Variants in JAKMIP2 observed in about 807,000 individuals in gnomAD.
The protein encoded by JAKMIP2 is janus kinase and microtubule-interacting protein 2.
JAKMIP2 carries 25 observed loss-of-function variants against 115.0 expected under a neutral mutation model. That is an observed-to-expected ratio of 0.22 (90% confidence interval 0.16 to 0.30). The LOEUF is 0.30. JAKMIP2 is among the 10% of genes least tolerant of loss of function. The probability of loss-of-function intolerance (pLI) is 1.00; values close to 1 mark genes in which losing one functional copy is unlikely to be tolerated. For missense variants in JAKMIP2, 642 were observed against 957.6 expected (o/e 0.67, Z 4.35); for synonymous variants, 334 against 343.6 (o/e 0.97, Z 0.31).
intron 1 of JAKMIP2, among the ~76,000 whole-genome samples, chr5:147,710,413 T>C (rs988546008): frequency 6.6e-6 from 1 of 152,202 alleles, no homozygotes; most frequent in Non-Finnish European, 1.5e-5. Context: ...ATAAATTTTA[T>C]ATACAGCAAA....
intron 5 of JAKMIP2, among the ~76,000 whole-genome samples, chr5:147,645,488 G>T (rs1398262403): frequency 2.6e-5 from 4 of 152,004 alleles, no homozygotes; most frequent in Non-Finnish European, 4.4e-5. Context: ...CTCCTGACTC[G>T]CACTACAGTT....
intron 3 of JAKMIP2, chr5:147,660,352 AAATT>A (rs1758893267): frequency 1.2e-5 from 4 of 333,916 alleles, no homozygotes; most frequent in South Asian, 5.0e-5. Context: ...TCCAATTTAA[AAATT>A]ATAATGGCTC....
chr5:147,764,257 G>A (rs760851521), intron 1 of JAKMIP2, among the ~76,000 whole-genome samples: 3 of 152,080 alleles, frequency 2.0e-5, no homozygotes, highest in Non-Finnish European at 4.4e-5. Flanking sequence ...TTTCAATCTT[G>A]ATGTGGAATC....
At chr5:147,594,618 T>C (rs1360468106) in intron 21 of JAKMIP2, 1 of 296,004 alleles carries the variant, frequency 3.4e-6, no homozygotes, top group Non-Finnish European at 7.1e-6. Context: ...ACAGAGCCAC[T>C]GTGCCCAGCT....
chr5:147,646,538 C>T (rs1050521045), intron 5 of JAKMIP2, among the ~76,000 whole-genome samples: 2 of 151,942 alleles, frequency 1.3e-5, no homozygotes, highest in Non-Finnish European at 2.9e-5. Flanking sequence ...CATAGTCCCA[C>T]AATACCCAAC....
At chr5:147,730,369 A>T (rs555660879) in intron 1 of JAKMIP2, among the ~76,000 whole-genome samples, 1 of 151,978 alleles carries the variant, frequency 6.6e-6, no homozygotes, top group Non-Finnish European at 1.5e-5. Flanking sequence ...CTCCACCCTC[A>T]ACATCTGATC....
At chr5:147,663,063 C>T (rs6862046) in intron 2 of JAKMIP2, among the ~76,000 whole-genome samples, 38,122 of 151,706 alleles carry the variant, frequency 0.25, 6,033 homozygotes, top group East Asian at 0.46. Context: ...TGAGTGATAT[C>T]GAGTCTCCAC....
In JAKMIP2 at chr5:147,782,724, A is replaced by G. The variant is rs1755812057; in HGVS notation, c.-417T>C. On this transcript the variant is annotated 5_prime_UTR_variant, in exon 1 of 22. Transcript: ENST00000616793. Reference sequence around the variant, plus strand: ...CTCCTCCCTCTCGGAGGATGGGGTGAGCTCGGAAGCAGCCAGGAACTTGCA... The same window carrying G: ...CTCCTCCCTCTCGGAGGATGGGGTGGGCTCGGAAGCAGCCAGGAACTTGCA... The G allele has an allele frequency of 3.5e-6, 2 of 576,130 alleles. No homozygotes were observed. The highest frequency in any genetic ancestry group is 3.8e-5 in the African/African-American group (2 of 53,124). 35.7% of individuals were successfully genotyped at this position (576,130 alleles called of 1,614,324 possible). A position where few individuals can be genotyped will look rare whatever the true frequency, so the allele number is the denominator to read the frequency against.
At chr5:147,743,062 A>T (rs1754209533) in intron 1 of JAKMIP2, among the ~76,000 whole-genome samples, 1 of 152,214 alleles carries the variant, frequency 6.6e-6, no homozygotes, top group South Asian at 2.1e-4. Context: ...AATCAACTTT[A>T]CTGAGTACTT....
chr5:147,735,570 C>A (rs575712580), intron 1 of JAKMIP2, among the ~76,000 whole-genome samples: 1 of 152,280 alleles, frequency 6.6e-6, no homozygotes, highest in Admixed American at 6.5e-5. Context: ...CATGAGTCAA[C>A]TATTCCACCT....
intron 1 of JAKMIP2, among the ~76,000 whole-genome samples, chr5:147,760,506 A>G (rs1561580044): frequency 6.6e-6 from 1 of 152,106 alleles, no homozygotes; most frequent in African/African-American, 2.4e-5. Context: ...AGAGGTCAAT[A>G]TAAGAAAAAG....
At chr5:147,764,645 T>A (rs749875928) in intron 1 of JAKMIP2, among the ~76,000 whole-genome samples, 1 of 151,684 alleles carries the variant, frequency 6.6e-6, no homozygotes, top group Non-Finnish European at 1.5e-5. Flanking sequence ...CCCAGCAATT[T>A]GGGAGGCCAA....
At chr5:147,648,244 G>A in intron 5 of JAKMIP2, 132 bp downstream of exon 5, 1 of 549,056 alleles carries the variant, frequency 1.8e-6, no homozygotes. Flanking sequence ...GCCACTTTGT[G>A]AATATCTATT....
intron 1 of JAKMIP2, among the ~76,000 whole-genome samples, chr5:147,758,170 T>C (rs1167058154): frequency 4.6e-5 from 7 of 152,158 alleles, no homozygotes; most frequent in African/African-American, 1.7e-4. Context: ...AATGAGAACA[T>C]GTAAATACTA....
At chr5:147,651,227 T>C (rs559500414) in intron 3 of JAKMIP2, among the ~76,000 whole-genome samples, 121 of 152,242 alleles carry the variant, frequency 7.9e-4, no homozygotes, top group Non-Finnish European at 1.6e-3. Context: ...TCTGGCAATA[T>C]TAACCACTAT....
rs199688913 is a variant in JAKMIP2, at chr5:147,699,616, TA to T, written c.-148-27663del. Among the ~76,000 whole-genome samples, 8 of 151,920 alleles carry T rather than the reference TA, an allele frequency of 5.3e-5. No individual in the cohort carries two copies. The South Asian group carries it at 6.2e-4, about 12-fold the overall frequency. On this transcript the variant is annotated intron_variant, in intron 1 of 21. Transcript: ENST00000616793. ...CTAGTTTTCTTGAACATCTTACTCA[TA>T]AAAAAAACCCTAAAATTTCTGGATT...
intron 20 of JAKMIP2, among the ~76,000 whole-genome samples, chr5:147,608,310 T>A (rs1756136276): frequency 6.6e-6 from 1 of 152,236 alleles, no homozygotes; most frequent in Admixed American, 6.5e-5. Flanking sequence ...TGTGGGGATT[T>A]AGTGCTATAA....
chr5:147,741,856 C>T (rs747143374), intron 1 of JAKMIP2, among the ~76,000 whole-genome samples: 4 of 151,954 alleles, frequency 2.6e-5, no homozygotes, highest in Non-Finnish European at 5.9e-5. Flanking sequence ...AAAAACAGAA[C>T]TCAAGAATAA....
chr5:147,621,378 C>T (rs1317740011), intron 17 of JAKMIP2, among the ~76,000 whole-genome samples: 2 of 152,166 alleles, frequency 1.3e-5, no homozygotes, highest in African/African-American at 2.4e-5. Flanking sequence ...AACATAGTCC[C>T]AAGCACAAGT....
Sources: allele counts gnomAD v4.1 joint callset (sites outside exome capture counted in the v4.1 genomes callset), GRCh38; gene constraint gnomAD v4.1.1; transcripts MANE v1.5; gene names NCBI Gene and HGNC (gene_info 2026-07-23, HGNC 2026-07-21).